Variants in RCAN2 observed in about 807,000 individuals in gnomAD.
RCAN2 encodes calcipressin-2.
RCAN2 carries 9 observed loss-of-function variants against 23.6 expected under a neutral mutation model. The observed-to-expected ratio is 0.38, with a 90% confidence interval of 0.23 to 0.67. RCAN2 has a LOEUF of 0.67. Among genes scored for constraint, RCAN2 ranks in the 30% least tolerant of loss-of-function variants. RCAN2 has a pLI of 0.51. For missense variants in RCAN2, 273 were observed against 302.3 expected, an observed-to-expected ratio of 0.90 and a Z score of 0.72; for synonymous variants, 109 against 115.7, an observed-to-expected ratio of 0.94 and a Z score of 0.37.
intron 2 of RCAN2, among the ~76,000 whole-genome samples, chr6:46,376,931 G>A (rs929143036): frequency 2.0e-5 from 3 of 151,394 alleles, no homozygotes; most frequent in African/African-American, 7.3e-5. Flanking sequence ...GTGTAGATAG[G>A]GCATTTGGTG....
In RCAN2 at chr6:46,291,539, G is replaced by C. The variant is rs148320910; in HGVS notation, c.226-42643C>G. On this transcript the variant is annotated intron_variant, in intron 2 of 4. Coordinates refer to ENST00000371374, the MANE Select transcript of RCAN2 (RefSeq NM_001251974.2). The stretch of plus-strand genomic sequence containing the variant: ...CTGCAGGGCTTTGATTGGAAGCTCA[G>C]AGTGGAGAGTGCTTTAGGAAGGAAA... 2.4e-3 allele frequency among the ~76,000 whole-genome samples: 360 copies of C among 152,162 alleles called. 4 individuals are homozygous for C. The highest frequency in any genetic ancestry group is 8.3e-3 in the African/African-American group (346 of 41,518).
chr6:46,447,497 C>T (rs1162333362), intron 2 of RCAN2, among the ~76,000 whole-genome samples: 1 of 151,738 alleles, frequency 6.6e-6, no homozygotes, highest in Non-Finnish European at 1.5e-5. Context: ...CCAAATAAAC[C>T]TAACAGACAT....
intron 2 of RCAN2, among the ~76,000 whole-genome samples, chr6:46,280,290 C>A (rs1051385590): frequency 9.2e-5 from 14 of 152,088 alleles, no homozygotes; most frequent in Non-Finnish European, 1.9e-4. Context: ...AATCTCTTAC[C>A]ATCTCCTGAA....
At chr6:46,369,276 C>T (rs1299127551) in intron 2 of RCAN2, among the ~76,000 whole-genome samples, 1 of 152,066 alleles carries the variant, frequency 6.6e-6, no homozygotes, top group East Asian at 1.9e-4. Flanking sequence ...GAAGGACCTG[C>T]CTGAGGCTGT....
At chr6:46,244,611 C>A (rs145455981) in intron 4 of RCAN2, among the ~76,000 whole-genome samples, 1 of 152,328 alleles carries the variant, frequency 6.6e-6, no homozygotes, top group African/African-American at 2.4e-5. Context: ...TGGAGTCCAG[C>A]TGGGGTGTGA....
chr6:46,318,045 T>C (rs967437320), intron 2 of RCAN2, among the ~76,000 whole-genome samples: 1 of 152,236 alleles, frequency 6.6e-6, no homozygotes, highest in Non-Finnish European at 1.5e-5. Context: ...CCCACCTTGA[T>C]AACATATAAT....
chr6:46,426,488 T>C (rs1767036204), intron 2 of RCAN2, among the ~76,000 whole-genome samples: 2 of 152,194 alleles, frequency 1.3e-5, no homozygotes, highest in South Asian at 4.1e-4. Flanking sequence ...TTAGTACTAA[T>C]CACTTTAATT....
intron 2 of RCAN2, among the ~76,000 whole-genome samples, chr6:46,413,621 A>G (rs1766613616): frequency 6.6e-6 from 1 of 152,226 alleles, no homozygotes; most frequent in African/African-American, 2.4e-5. Context: ...TATAAGATTT[A>G]CTATGGGTTG....
intron 1 of RCAN2, among the ~76,000 whole-genome samples, chr6:46,469,399 C>T (rs1006791195): frequency 1.3e-5 from 2 of 152,196 alleles, no homozygotes; most frequent in African/African-American, 4.8e-5. Context: ...TCACCACATC[C>T]CTCACCCCCT....
At position 46,248,660 on chromosome 6, in the gene RCAN2, A is replaced by G. The variant is rs575309512; in HGVS notation, c.399+63T>C. 8 of 1,349,216 alleles carry G rather than the reference A, an allele frequency of 5.9e-6. No homozygotes were observed. In the South Asian group the frequency reaches 1.2e-4, roughly 20 times the overall value. The allele number at this position is 1,349,216 out of a possible 1,614,324, so 83.6% of individuals were successfully genotyped here. A position where few individuals can be genotyped will look rare whatever the true frequency, so the allele number is the denominator to read the frequency against. The stretch of plus-strand genomic sequence containing the variant: ...TGAAAATAGAAAGGGCTTCATTTAC[A>G]TTTTAAAATGGTAAAAAATAATGTA... On this transcript the variant is annotated intron_variant, in intron 3 of 4. Transcript: ENST00000371374.
chr6:46,391,597 A>T (rs555524609), intron 2 of RCAN2, among the ~76,000 whole-genome samples: 1 of 152,314 alleles, frequency 6.6e-6, no homozygotes, highest in South Asian at 2.1e-4. Context: ...CTACACTTCA[A>T]ATCTTGAGAG....
rs368914883 is a variant in RCAN2, at chr6:46,223,116, C to G, written c.*25G>C. 1 of 1,610,848 alleles carries G rather than the reference C, an allele frequency of 6.2e-7. No homozygotes were observed. The highest frequency in any genetic ancestry group is 8.5e-7 in the Non-Finnish European group (1 of 1,179,136). ...AAAAAGCATGATAAAGAGGAGACGG[C>G]TATTATCGAGAAGGAGCAGGCAGCT... On this transcript the variant is annotated 3_prime_UTR_variant, in exon 5 of 5. Transcript: ENST00000371374.
chr6:46,349,779 T>A (rs1388871616), intron 2 of RCAN2, among the ~76,000 whole-genome samples: 1 of 152,162 alleles, frequency 6.6e-6, no homozygotes, highest in African/African-American at 2.4e-5. Context: ...CCTGGACTAA[T>A]GCCAGAGCCT....
chr6:46,480,990 T>C (rs899766503), intron 1 of RCAN2, among the ~76,000 whole-genome samples: 2 of 152,248 alleles, frequency 1.3e-5, no homozygotes, highest in African/African-American at 4.8e-5. Context: ...GGTGTTGATA[T>C]CTTCAAGTTC....
intron 2 of RCAN2, among the ~76,000 whole-genome samples, chr6:46,349,206 A>G (rs962449088): frequency 2.0e-5 from 3 of 152,222 alleles, no homozygotes; most frequent in African/African-American, 7.2e-5. Context: ...GAAGGAAAAG[A>G]TAAGAGGAAA....
chr6:46,325,541 G>C, intron 2 of RCAN2: 2 of 1,603,620 alleles, frequency 1.2e-6, no homozygotes, highest in Non-Finnish European at 1.7e-6. Context: ...GAAGGGAAGA[G>C]CTTCCAGATG....
chr6:46,391,571 CTA>C (rs1346490848), intron 2 of RCAN2, among the ~76,000 whole-genome samples: 1 of 152,030 alleles, frequency 6.6e-6, no homozygotes, highest in Non-Finnish European at 1.5e-5. Flanking sequence ...ACAATTTGCT[CTA>C]TGTTTCTTGG....
intron 2 of RCAN2, among the ~76,000 whole-genome samples, chr6:46,263,831 A>G (rs1434775134): frequency 6.6e-6 from 1 of 152,188 alleles, no homozygotes; most frequent in Non-Finnish European, 1.5e-5. Context: ...TTGTTGCACA[A>G]TAACATCTGT....
intron 2 of RCAN2, among the ~76,000 whole-genome samples, chr6:46,318,698 T>C (rs1682134799): frequency 6.6e-6 from 1 of 151,978 alleles, no homozygotes; most frequent in African/African-American, 2.4e-5. Flanking sequence ...AAAAACCTTC[T>C]ATGGTAACAG....
Sources: gnomAD v4.1 joint callset for allele counts (sites outside exome capture counted in the v4.1 genomes callset) on GRCh38, gnomAD v4.1.1 for gene constraint, MANE v1.5 for transcripts, NCBI Gene and HGNC (gene_info 2026-07-23, HGNC 2026-07-21) for gene names.